RBFOX1: variants seen among roughly 807,000 people sequenced by gnomAD.
The protein encoded by RBFOX1 is RNA binding fox-1 homolog 1.
Under a neutral mutation model 57.7 loss-of-function variants are expected in RBFOX1, and 8 were observed. The ratio of observed to expected loss-of-function variants is 0.14; its 90% CI spans 0.08 to 0.25. RBFOX1 has a LOEUF of 0.25. Among genes scored for constraint, RBFOX1 ranks in the 10% least tolerant of loss-of-function variants. The pLI is 1.00. For synonymous variants in RBFOX1, 326 were observed against 222.4 expected (o/e 1.47, Z -4.15); for missense variants, 611 against 548.5 (o/e 1.11, Z -1.14).
At chr16:7,709,623 C>G (rs372671375) in intron 15 of RBFOX1, 46 of 1,531,600 alleles carry the variant, frequency 3.0e-5, no homozygotes, top group Middle Eastern at 3.3e-4. Flanking sequence ...AAGTCATAGT[C>G]GCCCAGGAAA....
chr16:6,773,170 T>TGG (rs2078675543), intron 3 of RBFOX1, among the ~76,000 whole-genome samples: 1 of 25,494 alleles, frequency 3.9e-5, no homozygotes, highest in African/African-American at 3.1e-4. Flanking sequence ...TGGGGTGCAT[T>TGG]TGTGTGTGTG....
rs564287343 is a variant in RBFOX1, at chr16:5,780,066, C to G, written c.319-87237C>G. On this transcript the variant is annotated intron_variant, in intron 3 of 19. Transcript: ENST00000641259. The stretch of plus-strand genomic sequence containing the variant: ...TCGCCCCGGCTGGAGTGTAGTGGCA[C>G]AATCTCGGCTCACTGAACCTCCACC... Among the ~76,000 whole-genome samples, 146 of 152,344 alleles carry G rather than the reference C, an allele frequency of 9.6e-4. 1 individual carries two copies. The highest frequency in any genetic ancestry group is 3.4e-3 in the African/African-American group (140 of 41,584).
chr16:7,614,112 A>T (rs1300838364), intron 10 of RBFOX1: 1 of 152,218 alleles, frequency 6.6e-6, no homozygotes, highest in Non-Finnish European at 1.5e-5. Flanking sequence ...ATCAATGGCC[A>T]TAGGGAGCAG....
intron 1 of RBFOX1, among the ~76,000 whole-genome samples, chr16:6,221,851 G>T (rs1258881152): frequency 2.0e-5 from 3 of 152,134 alleles, no homozygotes; most frequent in East Asian, 1.9e-4. Flanking sequence ...CCATGATCCA[G>T]TTTTCTCCAT....
At chr16:5,357,445 A>G (rs1231001378) in intron 1 of RBFOX1, among the ~76,000 whole-genome samples, 1 of 152,216 alleles carries the variant, frequency 6.6e-6, no homozygotes, top group African/African-American at 2.4e-5. Flanking sequence ...AACGCAGTCT[A>G]CAGGGAGAGA....
intron 3 of RBFOX1, among the ~76,000 whole-genome samples, chr16:6,863,949 C>G (rs1400224178): frequency 2.0e-5 from 3 of 150,464 alleles, no homozygotes; most frequent in Admixed American, 6.6e-5. Context: ...CTTCTTCCTT[C>G]TCTTGCAAAA....
chr16:6,998,106 A>G (rs566310170), intron 3 of RBFOX1, among the ~76,000 whole-genome samples: 2 of 152,280 alleles, frequency 1.3e-5, no homozygotes, highest in Non-Finnish European at 2.9e-5. Flanking sequence ...TATTTAGTGT[A>G]CAATAGCATA....
chr16:7,602,317 G>A (rs1027802781), intron 9 of RBFOX1, among the ~76,000 whole-genome samples: 7 of 152,170 alleles, frequency 4.6e-5, no homozygotes, highest in African/African-American at 1.4e-4. Context: ...TAAACTGCTT[G>A]CGTATCTGAT....
chr16:7,177,234 G>A (rs1329384978), intron 4 of RBFOX1, among the ~76,000 whole-genome samples: 3 of 152,154 alleles, frequency 2.0e-5, no homozygotes, highest in Non-Finnish European at 4.4e-5. Context: ...GGAAATTTGT[G>A]CTCCTTATCT....
intron 3 of RBFOX1, among the ~76,000 whole-genome samples, chr16:6,656,765 G>C (rs1368674518): frequency 6.6e-6 from 1 of 152,088 alleles, no homozygotes; most frequent in Non-Finnish European, 1.5e-5. Context: ...ATTTGTTGCA[G>C]TTAATTGGTG....
chr16:6,502,305 C>A (rs75721674), intron 2 of RBFOX1, among the ~76,000 whole-genome samples: 1 of 152,036 alleles, frequency 6.6e-6, no homozygotes, highest in Non-Finnish European at 1.5e-5. Flanking sequence ...ACCTGGCATG[C>A]CACCTTTAAG....
intron 3 of RBFOX1, among the ~76,000 whole-genome samples, chr16:6,899,217 GTA>G (rs112717502): frequency 0.079 from 12,012 of 151,866 alleles, 1,591 homozygotes; most frequent in African/African-American, 0.27. Flanking sequence ...ATATGTGTGT[GTA>G]TGTGTGGATG....
intron 4 of RBFOX1, among the ~76,000 whole-genome samples, chr16:7,441,118 C>A (rs144730710): frequency 1.3e-5 from 2 of 152,272 alleles, no homozygotes; most frequent in East Asian, 3.9e-4. Context: ...AAGTGACCTG[C>A]CTTCCTCTAT....
chr16:6,592,737 C>T (rs1177968917), intron 2 of RBFOX1, among the ~76,000 whole-genome samples: 1 of 151,712 alleles, frequency 6.6e-6, no homozygotes, highest in Non-Finnish European at 1.5e-5. Flanking sequence ...TGTAGATGTG[C>T]ACAGAGAGCT....
At chr16:6,970,954 A>G (rs1338089174) in intron 3 of RBFOX1, among the ~76,000 whole-genome samples, 2 of 152,200 alleles carry the variant, frequency 1.3e-5, no homozygotes, top group African/African-American at 4.8e-5. Flanking sequence ...GTGCACGTGC[A>G]TACCTACCCA....
At chr16:5,876,375 T>A (rs900282726) in intron 4 of RBFOX1, among the ~76,000 whole-genome samples, 1 of 152,168 alleles carries the variant, frequency 6.6e-6, no homozygotes, top group African/African-American at 2.4e-5. Flanking sequence ...CATGGTTAGT[T>A]AAATGAGTCA....
intron 1 of RBFOX1, among the ~76,000 whole-genome samples, chr16:5,359,028 A>G (rs1358002316): frequency 2.0e-5 from 3 of 151,736 alleles, no homozygotes; most frequent in African/African-American, 7.3e-5. Flanking sequence ...AATTGTTTTG[A>G]TGTTTATATC....
intron 5 of RBFOX1, among the ~76,000 whole-genome samples, chr16:7,532,248 A>G (rs1217859643): frequency 1.3e-5 from 2 of 151,122 alleles, no homozygotes; most frequent in Non-Finnish European, 2.9e-5. Context: ...TTGGGTTAGC[A>G]GTTATGCCGG....
chr16:6,293,393 C>T (rs1013391873), intron 1 of RBFOX1, among the ~76,000 whole-genome samples: 6 of 152,138 alleles, frequency 3.9e-5, no homozygotes. Flanking sequence ...CGCTTTTTCC[C>T]TCAAATATTC....
Sources: allele counts gnomAD v4.1 joint callset (sites outside exome capture counted in the v4.1 genomes callset), GRCh38; gene constraint gnomAD v4.1.1; transcripts MANE v1.5; gene names NCBI Gene and HGNC (gene_info 2026-07-23, HGNC 2026-07-21).